The following GTPBP1 variants were observed in gnomAD, a reference collection of about 807,000 sequenced individuals.
GTPBP1 encodes the protein GTP-binding protein 1.
Under a neutral mutation model 62.0 loss-of-function variants are expected in GTPBP1, and 23 were observed. The ratio of observed to expected loss-of-function variants is 0.37; its 90% CI spans 0.27 to 0.53. The LOEUF (loss-of-function observed/expected upper bound fraction) is 0.53. Ranked by LOEUF, GTPBP1 falls within the 20% of genes least tolerant of loss-of-function variation. The probability of loss-of-function intolerance (pLI) is 0.89; values close to 1 mark genes in which losing one functional copy is unlikely to be tolerated. For synonymous variants in GTPBP1, 344 were observed against 364.4 expected, an observed-to-expected ratio of 0.94 and a Z score of 0.64; for missense variants, 640 against 917.3, an observed-to-expected ratio of 0.70 and a Z score of 3.90.
chr22:38,719,679 C>T lies in GTPBP1; in HGVS notation c.835-2063C>T, dbSNP rs2092689212. ...TTAAAAATAGTGGACATGTCTTCAT[C>T]CCAGACAAAGTCACAATGTAGACAT... On this transcript the variant is annotated intron_variant, in intron 4 of 11. Coordinates refer to ENST00000216044, the MANE Select transcript of GTPBP1 (RefSeq NM_004286.5). Among the ~76,000 whole-genome samples, 3 of 149,796 alleles carry T rather than the reference C, an allele frequency of 2.0e-5. 1 individual carries two copies. Among genetic ancestry groups the T allele is most frequent in the South Asian group, 4.3e-4 (2 of 4,612 alleles).
At chr22:38,718,876 C>G (rs2092684878) in intron 4 of GTPBP1, among the ~76,000 whole-genome samples, 2 of 152,206 alleles carry the variant, frequency 1.3e-5, no homozygotes, top group African/African-American at 4.8e-5. Context: ...CAATTTTAAA[C>G]ATTCAGAAAA....
In GTPBP1 at chr22:38,726,217, C is replaced by G; in HGVS notation, c.1219-41C>G. ...AGTGGCATCAGGGGGTGGGTCTGTG[C>G]TGGGGATGCACTTATGAGGCCAGGG... is the stretch of plus-strand genomic sequence containing the variant. On this transcript the variant is annotated intron_variant, in intron 7 of 11. Coordinates refer to ENST00000216044, the MANE Select transcript of GTPBP1 (RefSeq NM_004286.5). This position sits in a 1 kb window ranked among gnomAD's most constrained non-coding sequence, Gnocchi z 4.1. 1 of 1,611,614 alleles carries G rather than the reference C, an allele frequency of 6.2e-7. No individual in the cohort carries two copies. Among genetic ancestry groups the G allele is most frequent in the Non-Finnish European group, 8.5e-7 (1 of 1,178,140 alleles).
At chr22:38,711,750 T>C (rs576687419) in intron 2 of GTPBP1, among the ~76,000 whole-genome samples, 85 of 151,954 alleles carry the variant, frequency 5.6e-4, no homozygotes, top group African/African-American at 2.0e-3. Context: ...GGCTGAGGCA[T>C]GAGAATCACC....
chr22:38,719,625 T>A (rs1184211487), intron 4 of GTPBP1, among the ~76,000 whole-genome samples: 2 of 151,192 alleles, frequency 1.3e-5, no homozygotes, highest in African/African-American at 2.4e-5. Context: ...TATGTTTAGT[T>A]TGGTTTTTTT....
downstream of GTPBP1, chr22:38,738,091 T>C: frequency 1.6e-6 from 2 of 1,258,582 alleles, no homozygotes; most frequent in East Asian, 4.6e-5. The surrounding 1 kb of genome is among the most constrained non-coding windows in gnomAD (Gnocchi z 6.6). Context: ...ACCCCATGCC[T>C]GGCAGGGTAA....
downstream of GTPBP1, chr22:38,738,457 C>T: frequency 7.6e-7 from 1 of 1,318,002 alleles, no homozygotes; most frequent in Non-Finnish European, 1.1e-6. This position sits in a 1 kb window ranked among gnomAD's most constrained non-coding sequence, Gnocchi z 6.6. Flanking sequence ...GTCTCCCACC[C>T]TAGCTCCTCC....
intron 1 of GTPBP1, chr22:38,706,574 G>T: frequency 6.0e-6 from 1 of 166,860 alleles, no homozygotes; most frequent in Non-Finnish European, 1.3e-5. Context: ...GCAGAGGGGC[G>T]AGGGGGCCCG....
Position 38,728,179 on chromosome 22 carries a change from C to T in GTPBP1, c.1716+18C>T, listed in dbSNP as rs1417375819. The T allele has an allele frequency of 2.5e-6, 4 of 1,593,184 alleles. No individual in the cohort carries two copies. Among genetic ancestry groups the T allele is most frequent in the South Asian group, 2.2e-5 (2 of 90,214 alleles). On this transcript the variant is annotated intron_variant, in intron 10 of 11. Coordinates refer to ENST00000216044, the MANE Select transcript of GTPBP1 (RefSeq NM_004286.5). ...TCACCAAGGTATGGCCAGGACAGAC[C>T]TTGCCTGCCTCCAGGAAGCACCAGG...
At chr22:38,739,593 G>A, downstream of GTPBP1, 1 of 1,312,586 alleles carries the variant, frequency 7.6e-7, no homozygotes, top group Non-Finnish European at 1.1e-6. This position sits in a 1 kb window ranked among gnomAD's most constrained non-coding sequence, Gnocchi z 6.7. Context: ...CAGCCCCACA[G>A]CATGCAAAGC....
In GTPBP1 at chr22:38,727,900, T is replaced by C. The variant is rs901552911; in HGVS notation, c.1538-83T>C. 3 of 923,312 alleles carry C rather than the reference T, an allele frequency of 3.2e-6. No individual in the cohort carries two copies. The highest frequency in any genetic ancestry group is 5.2e-6 in the Non-Finnish European group (3 of 571,730). The allele number at this position is 923,312 out of a possible 1,614,324, so 57.2% of individuals were successfully genotyped here. ...CCACCCTTCCACAGCTTAAGCGTAT[T>C]TCATGCTTTCACTCACTGCCTCCCG... On this transcript the variant is annotated intron_variant, in intron 9 of 11. Transcript: ENST00000216044. This position sits in a 1 kb window ranked among gnomAD's most constrained non-coding sequence, Gnocchi z 6.5.
At chr22:38,715,321 A>G (rs1603178280) in intron 2 of GTPBP1, among the ~76,000 whole-genome samples, 1 of 151,912 alleles carries the variant, frequency 6.6e-6, no homozygotes, top group East Asian at 1.9e-4. Flanking sequence ...GTCTCCCGAC[A>G]CTCCATGTCA....
intron 5 of GTPBP1, 135 bp downstream of exon 5, chr22:38,722,000 A>G: frequency 4.1e-6 from 2 of 492,928 alleles, no homozygotes; most frequent in Non-Finnish European, 6.8e-6. Flanking sequence ...ATTTTACAAT[A>G]TGTTTATTTT....
At chr22:38,723,729 C>T (rs1300004038) in intron 5 of GTPBP1, among the ~76,000 whole-genome samples, 1 of 152,220 alleles carries the variant, frequency 6.6e-6, no homozygotes, top group Non-Finnish European at 1.5e-5. Context: ...GAGTTGGGCT[C>T]TACCAGCTAA....
chr22:38,706,360 C>G (rs1179711998), intron 1 of GTPBP1, among the ~76,000 whole-genome samples: 1 of 152,226 alleles, frequency 6.6e-6, no homozygotes, highest in Admixed American at 6.5e-5. Context: ...CTTGGCTCCC[C>G]CGCGTCGCCA....
At chr22:38,707,691 G>A (rs956463440) in intron 1 of GTPBP1, among the ~76,000 whole-genome samples, 5 of 152,178 alleles carry the variant, frequency 3.3e-5, no homozygotes, top group African/African-American at 7.2e-5. Flanking sequence ...TGCAAAGACG[G>A]TAGTACCTTC....
chr22:38,715,900 T>A lies in GTPBP1; in HGVS notation c.305-7T>A. 1 of 1,596,848 alleles carries A rather than the reference T, an allele frequency of 6.3e-7. No homozygotes were observed. The highest frequency in any genetic ancestry group is 1.1e-5 in the South Asian group (1 of 89,488). On this transcript the variant is annotated splice_region_variant and splice_polypyrimidine_tract_variant and intron_variant, in intron 2 of 11. Coordinates refer to ENST00000216044, the MANE Select transcript of GTPBP1 (RefSeq NM_004286.5). ...TCTCCTGCTGATGTCTGGGCTCTTG[T>A]CACCAGATGGGACTGAGTATGGGCT...
intron 5 of GTPBP1, among the ~76,000 whole-genome samples, chr22:38,722,506 A>G (rs2092705657): frequency 6.6e-6 from 1 of 152,232 alleles, no homozygotes; most frequent in African/African-American, 2.4e-5. Context: ...TGCCTTCTAC[A>G]GAGGCGAATT....
intron 2 of GTPBP1, among the ~76,000 whole-genome samples, chr22:38,711,744 G>A (rs1205791297): frequency 1.3e-5 from 2 of 152,072 alleles, no homozygotes; most frequent in Non-Finnish European, 1.5e-5. Context: ...TCAGGAGGCT[G>A]AGGCATGAGA....
At chr22:38,739,631 C>A, downstream of GTPBP1, 3 of 1,469,310 alleles carry the variant, frequency 2.0e-6, no homozygotes, top group Non-Finnish European at 2.8e-6. The surrounding 1 kb of genome is among the most constrained non-coding windows in gnomAD (Gnocchi z 6.7). Context: ...CATCCTGGAA[C>A]CTGCCAGGGA....
Sources: gnomAD v4.1 joint callset for allele counts (sites outside exome capture counted in the v4.1 genomes callset) on GRCh38, gnomAD v4.1.1 for gene constraint, Gnocchi (gnomAD v3.1) non-coding constraint, MANE v1.5 for transcripts, NCBI Gene and HGNC (gene_info 2026-07-23, HGNC 2026-07-21) for gene names.